The following PAM variants were observed in gnomAD, a reference collection of about 807,000 sequenced individuals.
PAM encodes the protein peptidylglycine alpha-amidating monooxygenase.
Under a neutral mutation model 122.1 loss-of-function variants are expected in PAM, and 72 were observed. That is an observed-to-expected ratio of 0.59 (90% CI 0.49 to 0.72). The LOEUF (loss-of-function observed/expected upper bound fraction) is 0.72, where lower values mean the gene tolerates loss of function less well. PAM is among the 30% of genes least tolerant of loss of function. PAM has a pLI of 0.00. For synonymous variants in PAM, 389 were observed against 404.4 expected, an observed-to-expected ratio of 0.96 and a Z score of 0.46; for missense variants, 1,106 against 1,183.7, an observed-to-expected ratio of 0.93 and a Z score of 0.96.
chr5:102,949,908 TAGTA>T lies in PAM; in HGVS notation c.735_738del (p.Ser246AspfsTer4), dbSNP rs766181981. 6.5e-6 allele frequency: 10 copies of T among 1,543,902 alleles called. No homozygotes were observed. Among genetic ancestry groups the T allele is most frequent in the Non-Finnish European group, 8.9e-7 (1 of 1,117,602 alleles). ...AAATTTGTGTTTATTACAGGTAAGG[TAGTA>T]AGTGGATACAGAGTAAGAAATGGAC... On this transcript the variant is annotated frameshift_variant, in exon 11 of 26. Transcript: ENST00000438793. LOFTEE classifies it high-confidence loss of function.
At chr5:102,978,671 A>G (rs192645923) in intron 15 of PAM, among the ~76,000 whole-genome samples, 1 of 152,196 alleles carries the variant, frequency 6.6e-6, no homozygotes, top group Non-Finnish European at 1.5e-5. Flanking sequence ...TGATACATTT[A>G]GTTTTTTCTT....
intron 2 of PAM, 55 bp downstream of exon 2, chr5:102,866,339 C>A (rs1002545230): frequency 1.0e-5 from 12 of 1,170,284 alleles, no homozygotes; most frequent in Non-Finnish European, 1.5e-5. Flanking sequence ...AATGTAATCA[C>A]TTTTATGAAC....
intron 19 of PAM, 67 bp from the exon 20 acceptor site, chr5:103,007,390 A>G (rs1779354389): frequency 5.3e-6 from 7 of 1,308,448 alleles, no homozygotes; most frequent in Middle Eastern, 1.9e-4. Flanking sequence ...ATTTAGAAAC[A>G]TACTAGAGAG....
At chr5:103,018,704 G>C (rs1782707682) in intron 22 of PAM, among the ~76,000 whole-genome samples, 1 of 152,130 alleles carries the variant, frequency 6.6e-6, no homozygotes, top group Non-Finnish European at 1.5e-5. Flanking sequence ...AGATGGAGAA[G>C]ACTTCAGAAG....
intron 23 of PAM, among the ~76,000 whole-genome samples, chr5:103,022,873 T>G (rs1184467667): frequency 6.6e-6 from 1 of 152,168 alleles, no homozygotes; most frequent in Non-Finnish European, 1.5e-5. Context: ...AACTATTGTT[T>G]TAGGCATTTT....
chr5:102,770,001 G>A (rs1292247978), intron 1 of PAM, among the ~76,000 whole-genome samples: 5 of 151,758 alleles, frequency 3.3e-5, no homozygotes, highest in South Asian at 4.2e-4. Flanking sequence ...ATATCTTTCC[G>A]TTTTGTGTAT....
At chr5:102,864,186 T>TATATATATATA (rs34022235) in intron 1 of PAM, among the ~76,000 whole-genome samples, 10 of 119,716 alleles carry the variant, frequency 8.4e-5, no homozygotes, top group African/African-American at 3.3e-4. Context: ...ATATATATAT[T>TATATATATATA]TTTTTTTTTT....
chr5:102,816,596 C>T (rs2150261826), intron 1 of PAM, among the ~76,000 whole-genome samples: 1 of 152,246 alleles, frequency 6.6e-6, no homozygotes, highest in South Asian at 2.1e-4. Context: ...CCTCCGCTGA[C>T]TTGACTTTTC....
intron 18 of PAM, among the ~76,000 whole-genome samples, chr5:103,006,262 T>C (rs1778933587): frequency 6.6e-6 from 1 of 152,166 alleles, no homozygotes; most frequent in Non-Finnish European, 1.5e-5. Context: ...ATTTTTTTAC[T>C]TATTTTTTTA....
At chr5:102,756,440 T>C (rs1750349889) in intron 1 of PAM, among the ~76,000 whole-genome samples, 3 of 152,350 alleles carry the variant, frequency 2.0e-5, no homozygotes, top group East Asian at 3.9e-4. Flanking sequence ...TATTGGACTT[T>C]GTTTGCTTCA....
intron 1 of PAM, chr5:102,837,606 C>T (rs1327487753): frequency 6.6e-6 from 1 of 152,168 alleles, no homozygotes; most frequent in South Asian, 2.1e-4. Context: ...TTAATGCATT[C>T]TTGTCAATTA....
chr5:102,833,185 A>T (rs533606603), intron 1 of PAM, among the ~76,000 whole-genome samples: 1 of 152,146 alleles, frequency 6.6e-6, no homozygotes, highest in African/African-American at 2.4e-5. Flanking sequence ...TGTGCACATC[A>T]TATCTTTGCC....
At chr5:102,834,883 G>T (rs1561578053) in intron 1 of PAM, among the ~76,000 whole-genome samples, 2 of 151,996 alleles carry the variant, frequency 1.3e-5, no homozygotes, top group African/African-American at 4.8e-5. Flanking sequence ...AAATCAGGGG[G>T]ATGAGTCAGG....
chr5:102,897,283 C>T (rs910755177), intron 3 of PAM, among the ~76,000 whole-genome samples: 9 of 151,578 alleles, frequency 5.9e-5, no homozygotes, highest in Non-Finnish European at 1.0e-4. Flanking sequence ...TGTACACAAT[C>T]AGGGGTTGGT....
rs1431271319 is a variant in PAM at position 103,029,400 on chromosome 5, A to G, written c.*335A>G. On this transcript the variant is annotated 3_prime_UTR_variant, in exon 26 of 26. Coordinates refer to ENST00000438793, the MANE Select transcript of PAM (RefSeq NM_001177306.2). ...GTAAATAACCCCATTCTTTGCTTGA[A>G]CACAGTATTTTCCCAATAGCACTTT... The G allele has an allele frequency of 1.1e-5, 2 of 186,890 alleles. No individual in the cohort carries two copies. Among genetic ancestry groups the G allele is most frequent in the Non-Finnish European group, 2.2e-5 (2 of 91,472 alleles). The allele number at this position is 186,890 out of a possible 1,614,324, so 11.6% of individuals were successfully genotyped here. A position where few individuals can be genotyped will look rare whatever the true frequency, so the allele number is the denominator to read the frequency against.
chr5:103,027,183 A>G (rs1009753663), intron 24 of PAM, among the ~76,000 whole-genome samples: 2 of 152,200 alleles, frequency 1.3e-5, no homozygotes, highest in Admixed American at 1.3e-4. Context: ...ATTCCTTATT[A>G]TGTATTGACT....
chr5:102,766,611 G>A (rs1221862291), intron 1 of PAM, among the ~76,000 whole-genome samples: 1 of 152,168 alleles, frequency 6.6e-6, no homozygotes, highest in Non-Finnish European at 1.5e-5. Context: ...TCAGTTTGTG[G>A]CCAGGGGGCT....
intron 21 of PAM, among the ~76,000 whole-genome samples, chr5:103,014,331 G>T (rs1020047511): frequency 2.0e-5 from 3 of 152,120 alleles, no homozygotes; most frequent in African/African-American, 7.2e-5. Context: ...CAGATGTTAG[G>T]CAAAGAATGA....
chr5:102,809,277 A>G (rs139250736), intron 1 of PAM, among the ~76,000 whole-genome samples: 76 of 151,714 alleles, frequency 5.0e-4, no homozygotes, highest in African/African-American at 1.8e-3. Context: ...CAGCACTTCA[A>G]GAGGCGGAGG....
Sources: gnomAD v4.1 joint callset for allele counts (sites outside exome capture counted in the v4.1 genomes callset) on GRCh38, gnomAD v4.1.1 for gene constraint, MANE v1.5 for transcripts, NCBI Gene and HGNC (gene_info 2026-07-23, HGNC 2026-07-21) for gene names.